Variants in EDDM13 observed in about 807,000 individuals in gnomAD.
The protein encoded by EDDM13 is epididymal protein 13.
A neutral mutation model predicts 17.8 loss-of-function variants in EDDM13; 24 were observed. That is an observed-to-expected ratio of 1.35 (90% CI 0.98 to 1.90). The LOEUF (loss-of-function observed/expected upper bound fraction) is 1.90, where lower values mean the gene tolerates loss of function less well. EDDM13 is among the 40% of genes most tolerant of loss of function. The pLI is 0.00. For synonymous variants in EDDM13, 31 were observed against 37.5 expected, an observed-to-expected ratio of 0.83 and a Z score of 0.63; for missense variants, 97 against 100.8, an observed-to-expected ratio of 0.96 and a Z score of 0.16.
intron 8 of EDDM13, among the ~76,000 whole-genome samples, chr19:56,289,975 A>G (rs1156544818): frequency 6.6e-6 from 1 of 152,216 alleles, no homozygotes; most frequent in African/African-American, 2.4e-5. Context: ...GGAGTTGAAG[A>G]AAACGAATAC....
At chr19:56,288,590 C>T (rs889810511) in intron 7 of EDDM13, among the ~76,000 whole-genome samples, 152 bp downstream of exon 7, 1 of 152,196 alleles carries the variant, frequency 6.6e-6, no homozygotes, top group Non-Finnish European at 1.5e-5. Context: ...TCTGGCCTGC[C>T]TTGCTTTCCA....
At chr19:56,283,782 ACATAGGG>A (rs1386728430) in intron 4 of EDDM13, 1 of 152,244 alleles carries the variant, frequency 6.6e-6, no homozygotes, top group African/African-American at 2.4e-5. Flanking sequence ...CTCACCAGCA[ACATAGGG>A]ACAATATCTG....
At chr19:56,301,818 C>G in intron 12 of EDDM13, 150 bp from the exon 13 acceptor site, 2 of 810,738 alleles carry the variant, frequency 2.5e-6, no homozygotes, top group Non-Finnish European at 3.3e-6. Context: ...GGGAAGCTGG[C>G]AGTGATGGTG....
At chr19:56,293,272 T>G (rs1344110513) in intron 9 of EDDM13, among the ~76,000 whole-genome samples, 1 of 152,080 alleles carries the variant, frequency 6.6e-6, no homozygotes, top group African/African-American at 2.4e-5. Flanking sequence ...GAAAACACTG[T>G]GGTAAGAGAG....
In EDDM13 at chr19:56,310,320, G is replaced by T. The variant is rs537454574; in HGVS notation, c.*172G>T. 3.3e-4 allele frequency: 50 copies of T among 152,386 alleles called. No individual in the cohort carries two copies. Among genetic ancestry groups the T allele is most frequent in the African/African-American group, 1.1e-3 (45 of 41,584 alleles). 9.4% of individuals were successfully genotyped at this position (152,386 alleles called of 1,614,324 possible). On this transcript the variant is annotated 3_prime_UTR_variant, in exon 15 of 15. Coordinates refer to ENST00000649256, the MANE Select transcript of EDDM13 (RefSeq NM_001354658.2). ...GGCATGGCCAGAAGGTGTCTGTGGG[G>T]GCCATGCCTTAGGGGGATGCACCCA...
chr19:56,282,341 G>A, intron 3 of EDDM13, 150 bp from the exon 4 acceptor site: 1 of 250,830 alleles, frequency 4.0e-6, no homozygotes, highest in East Asian at 1.8e-4. Flanking sequence ...TCCCCATTCT[G>A]GTTCCCTAAC....
At chr19:56,273,008 G>C (rs2037964922) in intron 1 of EDDM13, 89 bp downstream of exon 1, 1 of 432,240 alleles carries the variant, frequency 2.3e-6, no homozygotes, top group East Asian at 1.6e-4. Flanking sequence ...AGAAGCTCCT[G>C]AAGTCTAACA....
At chr19:56,289,373 G>A (rs1215662886) in intron 8 of EDDM13, among the ~76,000 whole-genome samples, 3 of 152,142 alleles carry the variant, frequency 2.0e-5, no homozygotes, top group Non-Finnish European at 4.4e-5. Flanking sequence ...GGAGAGAAAG[G>A]GGCCAGGCCC....
intron 2 of EDDM13, among the ~76,000 whole-genome samples, chr19:56,279,009 A>G (rs897266634): frequency 1.3e-5 from 2 of 152,224 alleles, no homozygotes; most frequent in Non-Finnish European, 2.9e-5. Flanking sequence ...AAACACCTTC[A>G]CAGACACACC....
chr19:56,292,428 A>G (rs987484044), intron 9 of EDDM13, among the ~76,000 whole-genome samples: 1 of 138,294 alleles, frequency 7.2e-6, no homozygotes, highest in African/African-American at 2.6e-5. Flanking sequence ...ACACCTAGCT[A>G]ATTATTTTTG....
At chr19:56,278,537 GAGAGAC>G (rs2038439274) in intron 2 of EDDM13, among the ~76,000 whole-genome samples, 1 of 152,238 alleles carries the variant, frequency 6.6e-6, no homozygotes, top group Non-Finnish European at 1.5e-5. Flanking sequence ...GAGTTCTCCA[GAGAGAC>G]AGAACCATGA....
At chr19:56,281,749 C>A (rs1018539108) in intron 3 of EDDM13, 51 bp downstream of exon 3, 62 of 976,720 alleles carry the variant, frequency 6.3e-5, no homozygotes, top group Middle Eastern at 5.2e-4. Flanking sequence ...GCCCTTCAAC[C>A]TAGAGAAGGA....
intron 14 of EDDM13, among the ~76,000 whole-genome samples, chr19:56,306,884 A>C: frequency 1.8e-5 from 1 of 56,746 alleles, no homozygotes; most frequent in Non-Finnish European, 3.4e-5. Context: ...GGCCTCTCCC[A>C]CGTCGCCAGA....
chr19:56,278,899 T>G (rs1371737740), intron 2 of EDDM13, among the ~76,000 whole-genome samples: 1 of 152,184 alleles, frequency 6.6e-6, no homozygotes, highest in Non-Finnish European at 1.5e-5. Flanking sequence ...CTCCACCTCT[T>G]GGCTTCAGCT....
At chr19:56,302,172 G>A in intron 13 of EDDM13, 77 bp downstream of exon 13, 1 of 1,104,462 alleles carries the variant, frequency 9.1e-7, no homozygotes, top group South Asian at 4.6e-5. Context: ...CACAGAGGAA[G>A]CGAAGGAGGG....
intron 13 of EDDM13, among the ~76,000 whole-genome samples, chr19:56,303,500 G>T (rs937192248): frequency 1.4e-5 from 2 of 140,800 alleles, no homozygotes; most frequent in African/African-American, 5.1e-5. Flanking sequence ...AAAAAAGAAG[G>T]AAAGGAAGGA....
At chr19:56,273,104 C>A (rs549491264) in intron 1 of EDDM13, among the ~76,000 whole-genome samples, 185 bp downstream of exon 1, 1 of 152,262 alleles carries the variant, frequency 6.6e-6, no homozygotes, top group Non-Finnish European at 1.5e-5. Flanking sequence ...TAGCCCCTGC[C>A]CTTGGAGATA....
chr19:56,291,581 C>T (rs2039512160), intron 9 of EDDM13, among the ~76,000 whole-genome samples: 1 of 152,166 alleles, frequency 6.6e-6, no homozygotes, highest in African/African-American at 2.4e-5. Flanking sequence ...TGCTGCCCAA[C>T]AATGCCCACT....
rs890880136 is a variant in EDDM13, at chr19:56,290,376, C to T, written c.227-465C>T. Among the ~76,000 whole-genome samples, 7 of 152,202 alleles carry T rather than the reference C, an allele frequency of 4.6e-5. No homozygotes were observed. The East Asian group carries it at 1.3e-3, about 29-fold the overall frequency. ...CAGAGCTGCATAGTTGTGACTGGGG[C>T]CATGTGGCCTGCAAAGCCTACACTA... is the stretch of plus-strand genomic sequence containing the variant. On this transcript the variant is annotated intron_variant, in intron 8 of 14. Transcript: ENST00000649256.
Sources: gnomAD v4.1 joint callset for allele counts (sites outside exome capture counted in the v4.1 genomes callset) on GRCh38, gnomAD v4.1.1 for gene constraint, MANE v1.5 for transcripts, NCBI Gene and HGNC (gene_info 2026-07-23, HGNC 2026-07-21) for gene names.